KPNA1: variants seen among roughly 807,000 people sequenced by gnomAD.
KPNA1 encodes importin subunit alpha-5.
In KPNA1, 10 loss-of-function variants were observed where a neutral mutation model predicts 70.5. The observed-to-expected ratio is 0.14, with a 90% CI of 0.09 to 0.24. The LOEUF (loss-of-function observed/expected upper bound fraction) is 0.24. KPNA1 is among the 10% of genes least tolerant of loss of function. The pLI is 1.00. For synonymous variants in KPNA1, 192 were observed against 221.9 expected, an observed-to-expected ratio of 0.87 and a Z score of 1.20; for missense variants, 397 against 637.9, an observed-to-expected ratio of 0.62 and a Z score of 4.07.
At chr3:122,498,850 G>T (rs539611600) in intron 1 of KPNA1, among the ~76,000 whole-genome samples, 4 of 152,102 alleles carry the variant, frequency 2.6e-5, no homozygotes, top group Non-Finnish European at 4.4e-5. Context: ...GGAAATACCG[G>T]CACCTTAATG....
intron 2 of KPNA1, among the ~76,000 whole-genome samples, chr3:122,485,629 T>A (rs1047036250): frequency 1.3e-5 from 2 of 152,080 alleles, no homozygotes; most frequent in Admixed American, 6.6e-5. Context: ...TTAAAAAATT[T>A]AACTGGAAAG....
At chr3:122,462,902 T>C (rs1264752446) in intron 4 of KPNA1, among the ~76,000 whole-genome samples, 1 of 152,140 alleles carries the variant, frequency 6.6e-6, no homozygotes, top group African/African-American at 2.4e-5. Context: ...AAGTATCAGA[T>C]TCCATTCTAC....
At chr3:122,449,767 T>C (rs770657614) in intron 8 of KPNA1, 30 bp from the exon 9 acceptor site, 1 of 1,585,456 alleles carries the variant, frequency 6.3e-7, no homozygotes, top group South Asian at 1.1e-5. Flanking sequence ...ATTATGAAAT[T>C]CAATAGACTA....
intron 10 of KPNA1, among the ~76,000 whole-genome samples, chr3:122,440,095 T>C (rs1308509472): frequency 6.6e-6 from 1 of 152,202 alleles, no homozygotes; most frequent in Non-Finnish European, 1.5e-5. Flanking sequence ...ATAAATATTC[T>C]TTAAGTCCCT....
chr3:122,430,055 A>C (rs182301530), intron 12 of KPNA1, among the ~76,000 whole-genome samples: 5 of 151,862 alleles, frequency 3.3e-5, no homozygotes, highest in Admixed American at 1.3e-4. Flanking sequence ...GAATATCTCA[A>C]CTGTATTTTT....
rs1373018635 is a variant in KPNA1 at position 122,427,185 on chromosome 3, A to G, written c.1430-13T>C. The G allele has an allele frequency of 6.3e-7, 1 of 1,586,958 alleles. No individual in the cohort carries two copies. The highest frequency in any genetic ancestry group is 1.4e-5 in the African/African-American group (1 of 73,960). On this transcript the variant is annotated splice_polypyrimidine_tract_variant and intron_variant, in intron 13 of 13. Coordinates refer to ENST00000344337, the MANE Select transcript of KPNA1 (RefSeq NM_002264.4). ...ATTTTATCCAGACCTAAAATGAAGAATAAAGGAAAATCTTTATTGAAAACT... is the reference window on the plus strand; with the variant it reads ...ATTTTATCCAGACCTAAAATGAAGAGTAAAGGAAAATCTTTATTGAAAACT...
At chr3:122,438,504 A>G (rs1208261695) in intron 10 of KPNA1, among the ~76,000 whole-genome samples, 4 of 151,826 alleles carry the variant, frequency 2.6e-5, no homozygotes, top group African/African-American at 9.7e-5. Context: ...CTCCTGCCTC[A>G]GCCTCCTGAG....
At chr3:122,493,475 A>G (rs908261048) in intron 2 of KPNA1, among the ~76,000 whole-genome samples, 3 of 152,166 alleles carry the variant, frequency 2.0e-5, no homozygotes, top group African/African-American at 7.2e-5. Flanking sequence ...ATGGAGGGAT[A>G]TACTGTTGAG....
At chr3:122,436,432 C>A (rs2075988964) in intron 11 of KPNA1, among the ~76,000 whole-genome samples, 1 of 152,218 alleles carries the variant, frequency 6.6e-6, no homozygotes, top group Non-Finnish European at 1.5e-5. Context: ...TAAAAACCTG[C>A]TGGTTTTGCA....
intron 5 of KPNA1, among the ~76,000 whole-genome samples, chr3:122,457,091 TAGA>T (rs1210826884): frequency 6.7e-6 from 1 of 148,336 alleles, no homozygotes. Flanking sequence ...CTGTTAATGT[TAGA>T]AGAAGTAACT....
chr3:122,425,981 G>A lies in KPNA1; in HGVS notation c.*1004C>T, dbSNP rs541633843. The stretch of plus-strand genomic sequence containing the variant: ...AGTCACAGAGGGGAAAAGCACCTAG[G>A]GTGAACTCCAATTTTTTAATGAGGA... On this transcript the variant is annotated 3_prime_UTR_variant, in exon 14 of 14. Transcript: ENST00000344337. The A allele has an allele frequency of 5.9e-5, 9 of 152,602 alleles. No individual in the cohort carries two copies. The South Asian group carries it at 1.0e-3, about 18-fold the overall frequency. 9.5% of individuals were successfully genotyped at this position (152,602 alleles called of 1,614,324 possible).
chr3:122,491,770 T>C (rs536010500), intron 2 of KPNA1, among the ~76,000 whole-genome samples: 1 of 142,470 alleles, frequency 7.0e-6, no homozygotes, highest in African/African-American at 2.5e-5. Flanking sequence ...CCACGGTATC[T>C]AAATAGCTAT....
At chr3:122,433,866 A>G in intron 11 of KPNA1, 78 bp from the exon 12 acceptor site, 1 of 1,198,490 alleles carries the variant, frequency 8.3e-7, no homozygotes, top group East Asian at 2.6e-5. Context: ...ATAATTTCTA[A>G]GCTAGTTTGA....
intron 5 of KPNA1, among the ~76,000 whole-genome samples, chr3:122,457,214 T>A (rs1186731438): frequency 6.6e-6 from 1 of 152,210 alleles, no homozygotes; most frequent in Non-Finnish European, 1.5e-5. Flanking sequence ...TTGCCATCTA[T>A]TTTTTTGTTT....
At chr3:122,506,368 GAGTATA>G in intron 1 of KPNA1, among the ~76,000 whole-genome samples, 2 of 152,198 alleles carry the variant, frequency 1.3e-5, no homozygotes, top group South Asian at 4.1e-4. Flanking sequence ...TAAATAAGTG[GAGTATA>G]AGTATAAAGT....
chr3:122,452,677 GGGAA>G (rs2076221003), intron 6 of KPNA1, among the ~76,000 whole-genome samples: 1 of 137,992 alleles, frequency 7.2e-6, no homozygotes, highest in Non-Finnish European at 1.6e-5. Flanking sequence ...AAGAGAAGGA[GGGAA>G]GGAGGGAGGG....
At chr3:122,457,891 A>G (rs2076281799) in intron 5 of KPNA1, 1 of 1,282,030 alleles carries the variant, frequency 7.8e-7, no homozygotes, top group South Asian at 1.2e-5. Flanking sequence ...AGAAAAATAA[A>G]CCCAGATAGC....
Position 122,427,600 on chromosome 3 carries a change from T to C in KPNA1, c.1367A>G (p.Gln456Arg). The change falls in exon 13 of 14, where the codon CAG becomes CGG. Residue 456 changes from glutamine to arginine, a missense_variant. By Grantham distance (43) the Gln-to-Arg change is conservative. Transcript: ENST00000344337. ...GLENILRLGE[Q>R]EAKRNGTGIN... is the part of the protein sequence containing the mutation. ...GCCAGTGCCATTCCTTTTGGCTTCCTGTTCTCCAAGCCTCAGGATATTTTC... is the reference window on the plus strand; with the variant it reads ...GCCAGTGCCATTCCTTTTGGCTTCCCGTTCTCCAAGCCTCAGGATATTTTC... 6.2e-7 allele frequency: 1 copy of C among 1,614,210 alleles called. No individual in the cohort carries two copies. The highest frequency in any genetic ancestry group is 8.5e-7 in the Non-Finnish European group (1 of 1,180,018).
At chr3:122,462,061 G>A (rs1182263947) in intron 4 of KPNA1, among the ~76,000 whole-genome samples, 1 of 152,148 alleles carries the variant, frequency 6.6e-6, no homozygotes, top group South Asian at 2.1e-4. Flanking sequence ...TGTTCATTTG[G>A]AAAGGACTCT....
Sources: allele counts gnomAD v4.1 joint callset (sites outside exome capture counted in the v4.1 genomes callset), GRCh38; gene constraint gnomAD v4.1.1; transcripts MANE v1.5; gene names NCBI Gene and HGNC (gene_info 2026-07-23, HGNC 2026-07-21).